Variants in LARGE1 observed in about 807,000 individuals in gnomAD.
LARGE1 encodes the protein LARGE xylosyl- and glucuronyltransferase 1, also known as xylosyl- and glucuronyltransferase LARGE1.
In LARGE1, 43 loss-of-function variants were observed where a neutral mutation model predicts 87.6. The observed-to-expected ratio is 0.49, with a 90% CI of 0.38 to 0.63. The LOEUF (loss-of-function observed/expected upper bound fraction) is 0.63. Among genes scored for constraint, LARGE1 ranks in the 30% least tolerant of loss-of-function variants. LARGE1 has a pLI of 0.00. For missense variants in LARGE1, 802 were observed against 1,000.2 expected (o/e 0.80, Z 2.67); for synonymous variants, 434 against 394.6 (o/e 1.10, Z -1.18).
intron 12 of LARGE1, among the ~76,000 whole-genome samples, chr22:33,286,021 C>G (rs969870885): frequency 6.6e-6 from 1 of 152,170 alleles, no homozygotes; most frequent in African/African-American, 2.4e-5. Context: ...CCATAGTGCT[C>G]ATGTTAACTA....
intron 6 of LARGE1, among the ~76,000 whole-genome samples, chr22:33,432,913 T>C (rs1370728695): frequency 6.6e-6 from 1 of 152,198 alleles, no homozygotes; most frequent in Non-Finnish European, 1.5e-5. Flanking sequence ...TACAAGAGTG[T>C]TGTCTAGATA....
chr22:33,302,594 C>G (rs1400952352), intron 12 of LARGE1, among the ~76,000 whole-genome samples: 1 of 152,094 alleles, frequency 6.6e-6, no homozygotes, highest in East Asian at 1.9e-4. Context: ...TTAAAGACTC[C>G]TAGAAGCTCT....
rs1014415440 is a variant in LARGE1, at chr22:33,243,032, C to A, written c.1730+61197G>T. On this transcript the variant is annotated intron_variant, in intron 11 of 11. Transcript: ENST00000608642. The stretch of plus-strand genomic sequence containing the variant: ...CACATTGGATTGAGTGCTCACCTTT[C>A]TCCAGGATGACCTCATCTAAACTCA... Among the ~76,000 whole-genome samples, 3 of 152,154 alleles carry A rather than the reference C, an allele frequency of 2.0e-5. No homozygotes were observed. The East Asian group carries it at 5.8e-4, about 29-fold the overall frequency.
At chr22:33,783,336 C>T (rs565532205) in intron 1 of LARGE1, among the ~76,000 whole-genome samples, 8 of 152,068 alleles carry the variant, frequency 5.3e-5, no homozygotes, top group Non-Finnish European at 8.8e-5. Flanking sequence ...GAGGCTGAGG[C>T]GGTGGATCAC....
In LARGE1 at chr22:33,621,363, C is replaced by T. The variant is rs376684584; in HGVS notation, c.491+4881G>A. Reference sequence around the variant, plus strand: ...TCCAACAGGTCGCAGCAATTGTCAGCGTTGGCATTAGTGTGCAAGTGTGTC... The same window carrying T: ...TCCAACAGGTCGCAGCAATTGTCAGTGTTGGCATTAGTGTGCAAGTGTGTC... On this transcript the variant is annotated intron_variant, in intron 4 of 14. Coordinates refer to ENST00000397394, the MANE Select transcript of LARGE1 (RefSeq NM_133642.5). Among the ~76,000 whole-genome samples, 16 of 152,148 alleles carry T rather than the reference C, an allele frequency of 1.1e-4. No individual in the cohort carries two copies. In the South Asian group the frequency reaches 1.2e-3, roughly 12 times the overall value.
intron 2 of LARGE1, among the ~76,000 whole-genome samples, chr22:33,749,319 G>C (rs2084223571): frequency 6.6e-6 from 1 of 152,130 alleles, no homozygotes; most frequent in Non-Finnish European, 1.5e-5. Context: ...TCTCCATGTT[G>C]GTCAGGCTGG....
At chr22:33,282,441 G>A (rs1930634076) in intron 13 of LARGE1, among the ~76,000 whole-genome samples, 1 of 152,148 alleles carries the variant, frequency 6.6e-6, no homozygotes, top group Non-Finnish European at 1.5e-5. Flanking sequence ...CTCAGTTACG[G>A]CACCTAGCAG....
At chr22:33,364,948 A>G (rs560679844) in intron 9 of LARGE1, among the ~76,000 whole-genome samples, 2 of 152,192 alleles carry the variant, frequency 1.3e-5, no homozygotes, top group South Asian at 4.2e-4. Context: ...CACCTGCCTC[A>G]GCCTCCCAAA....
At chr22:33,496,468 G>C (rs991718827) in intron 6 of LARGE1, among the ~76,000 whole-genome samples, 1 of 152,110 alleles carries the variant, frequency 6.6e-6, no homozygotes, top group Non-Finnish European at 1.5e-5. Context: ...CTTCTACCAA[G>C]TAAGGACACA....
chr22:33,488,755 G>A (rs979755067), intron 6 of LARGE1, among the ~76,000 whole-genome samples: 3 of 152,122 alleles, frequency 2.0e-5, no homozygotes, highest in Middle Eastern at 3.4e-3. Context: ...TAAATCATGC[G>A]CTAATCATCA....
the LARGE1 span, among the ~76,000 whole-genome samples, chr22:33,123,955 C>T: frequency 3.3e-5 from 5 of 152,180 alleles, no homozygotes; most frequent in Admixed American, 6.5e-5. Flanking sequence ...GCTCTGGCCA[C>T]TTGCCTGTCC....
intron 1 of LARGE1, among the ~76,000 whole-genome samples, chr22:33,891,087 TCTC>T (rs1374168407): frequency 2.6e-5 from 4 of 151,054 alleles, no homozygotes; most frequent in Admixed American, 1.3e-4. Flanking sequence ...TGAACTCTCG[TCTC>T]CTCAACAGGC....
At chr22:33,910,557 C>A (rs1189733518) in intron 1 of LARGE1, among the ~76,000 whole-genome samples, 1 of 152,192 alleles carries the variant, frequency 6.6e-6, no homozygotes, top group Non-Finnish European at 1.5e-5. Context: ...TTACGAGACT[C>A]TTCCTCCCTC....
intron 7 of LARGE1, among the ~76,000 whole-genome samples, chr22:33,406,212 C>T (rs533210207): frequency 5.8e-4 from 88 of 152,266 alleles, no homozygotes; most frequent in African/African-American, 2.0e-3. Flanking sequence ...TCTATGACCA[C>T]GGCTCTTCCC....
chr22:33,083,264 C>T, the LARGE1 span, among the ~76,000 whole-genome samples: 2 of 152,106 alleles, frequency 1.3e-5, no homozygotes, highest in Non-Finnish European at 2.9e-5. Context: ...TGCTAGGCTG[C>T]CATAATTTTC....
At chr22:33,817,702 C>G (rs1326991129) in intron 1 of LARGE1, among the ~76,000 whole-genome samples, 1 of 152,182 alleles carries the variant, frequency 6.6e-6, no homozygotes, top group Non-Finnish European at 1.5e-5. Flanking sequence ...AAACAGCTGT[C>G]TAATAAATCT....
At chr22:33,260,170 T>C (rs7286135) in intron 11 of LARGE1, among the ~76,000 whole-genome samples, 18,489 of 152,190 alleles carry the variant, frequency 0.12, 1,260 homozygotes, top group East Asian at 0.24. Context: ...GCAAAGCCTC[T>C]TGCCCACATT....
intron 9 of LARGE1, among the ~76,000 whole-genome samples, chr22:33,377,441 C>T (rs1177844772): frequency 6.6e-6 from 1 of 152,198 alleles, no homozygotes; most frequent in Non-Finnish European, 1.5e-5. Flanking sequence ...CTTTACCTCC[C>T]TGGGTATGCA....
intron 1 of LARGE1, among the ~76,000 whole-genome samples, chr22:33,769,782 C>T (rs1176904631): frequency 6.6e-6 from 1 of 152,186 alleles, no homozygotes; most frequent in Non-Finnish European, 1.5e-5. Flanking sequence ...AAAGCATGTA[C>T]CCAACTAAGG....
Sources: allele counts gnomAD v4.1 joint callset (sites outside exome capture counted in the v4.1 genomes callset), GRCh38; gene constraint gnomAD v4.1.1; transcripts MANE v1.5; gene names NCBI Gene and HGNC (gene_info 2026-07-23, HGNC 2026-07-21).